ATP8A2: variants seen among roughly 807,000 people sequenced by gnomAD.
The protein encoded by ATP8A2 is phospholipid-transporting ATPase IB.
ATP8A2 carries 100 observed loss-of-function variants against 165.6 expected under a neutral mutation model. That is an observed-to-expected ratio of 0.60 (90% CI 0.51 to 0.71). The LOEUF (loss-of-function observed/expected upper bound fraction) is 0.71. Among genes scored for constraint, ATP8A2 ranks in the 30% least tolerant of loss-of-function variants. The pLI is 0.00. For missense variants in ATP8A2, 1,227 were observed against 1,479.5 expected (o/e 0.83, Z 2.80); for synonymous variants, 543 against 548.8 (o/e 0.99, Z 0.15).
chr13:25,832,130 G>T (rs780593121), intron 28 of ATP8A2, among the ~76,000 whole-genome samples: 2 of 151,800 alleles, frequency 1.3e-5, no homozygotes, highest in African/African-American at 4.8e-5. Flanking sequence ...TAATAGAGAC[G>T]GGGTTTCACC....
intron 30 of ATP8A2, among the ~76,000 whole-genome samples, chr13:25,853,397 AT>A (rs757549315): frequency 0.21 from 16,702 of 81,066 alleles, 1,416 homozygotes; most frequent in Non-Finnish European, 0.28. Flanking sequence ...TCTAAAAAAA[AT>A]ATATATATAT....
intron 33 of ATP8A2, among the ~76,000 whole-genome samples, chr13:25,918,031 T>C (rs1954321028): frequency 6.6e-6 from 1 of 152,198 alleles, no homozygotes; most frequent in African/African-American, 2.4e-5. Context: ...AGAAGGCAGA[T>C]GTTTGAAGAG....
intron 30 of ATP8A2, among the ~76,000 whole-genome samples, chr13:25,850,127 C>T (rs1211351579): frequency 6.6e-6 from 1 of 152,196 alleles, no homozygotes; most frequent in Non-Finnish European, 1.5e-5. Context: ...AAAAGGCAAA[C>T]TGATCTCAGT....
chr13:25,740,206 G>A (rs1255205785), intron 25 of ATP8A2, among the ~76,000 whole-genome samples: 2 of 151,838 alleles, frequency 1.3e-5, no homozygotes, highest in Admixed American at 1.3e-4. Flanking sequence ...CTTCTCAGGA[G>A]GCTGAGGCAG....
intron 2 of ATP8A2, among the ~76,000 whole-genome samples, chr13:25,477,430 T>C (rs1393675402): frequency 6.6e-6 from 1 of 152,200 alleles, no homozygotes; most frequent in African/African-American, 2.4e-5. Context: ...AAGTAAGTAC[T>C]GTGTGGGTCC....
intron 24 of ATP8A2, among the ~76,000 whole-genome samples, chr13:25,642,085 T>A (rs2041540612): frequency 6.6e-6 from 1 of 152,126 alleles, no homozygotes; most frequent in Non-Finnish European, 1.5e-5. Flanking sequence ...CCTTACACCT[T>A]ATAGAAAAAT....
chr13:25,431,017 T>TACAC lies in ATP8A2; in HGVS notation c.77-37959_77-37958insCACA, dbSNP rs200780545. 8.4e-3 allele frequency among the ~76,000 whole-genome samples: 1,281 copies of TACAC among 152,082 alleles called. 19 individuals are homozygous for TACAC. The highest frequency in any genetic ancestry group is 0.029 in the African/African-American group (1,186 of 41,450). The stretch of plus-strand genomic sequence containing the variant: ...TAAAACACACACACACACACATATA[T>TACAC]ATACACACACACACACACATAATGG... On this transcript the variant is annotated intron_variant, in intron 1 of 36. Coordinates refer to ENST00000381655, the MANE Select transcript of ATP8A2 (RefSeq NM_016529.6).
At chr13:25,673,750 C>T (rs996971341) in intron 24 of ATP8A2, among the ~76,000 whole-genome samples, 2 of 152,098 alleles carry the variant, frequency 1.3e-5, no homozygotes, top group Admixed American at 6.6e-5. Context: ...GGAAAGAAAG[C>T]CAGCCACTGA....
intron 30 of ATP8A2, among the ~76,000 whole-genome samples, chr13:25,841,591 G>A (rs761552023): frequency 6.6e-6 from 1 of 152,144 alleles, no homozygotes; most frequent in Non-Finnish European, 1.5e-5. Flanking sequence ...AATTCTCACT[G>A]TTAGTACAGA....
At chr13:25,535,309 A>G (rs1013412834) in intron 6 of ATP8A2, among the ~76,000 whole-genome samples, 3 of 152,128 alleles carry the variant, frequency 2.0e-5, no homozygotes, top group Non-Finnish European at 4.4e-5. Context: ...GCTGTAGCTG[A>G]GTCACGGGTG....
intron 24 of ATP8A2, among the ~76,000 whole-genome samples, chr13:25,681,732 A>G (rs1394231860): frequency 6.6e-6 from 1 of 152,188 alleles, no homozygotes; most frequent in Non-Finnish European, 1.5e-5. Context: ...CTCTCTACCA[A>G]AACAAAACAG....
chr13:25,649,890 T>A (rs941682653), intron 24 of ATP8A2, among the ~76,000 whole-genome samples: 2 of 152,128 alleles, frequency 1.3e-5, no homozygotes, highest in Non-Finnish European at 2.9e-5. Context: ...CAGGTACCTT[T>A]GCTGCCAGGT....
At chr13:25,824,554 T>A (rs978287926) in intron 27 of ATP8A2, among the ~76,000 whole-genome samples, 1 of 152,190 alleles carries the variant, frequency 6.6e-6, no homozygotes, top group African/African-American at 2.4e-5. Context: ...GGAAAGGGGA[T>A]TCCAAGTTGT....
intron 2 of ATP8A2, among the ~76,000 whole-genome samples, chr13:25,523,487 T>G (rs2037737592): frequency 1.3e-5 from 2 of 152,132 alleles, no homozygotes; most frequent in African/African-American, 2.4e-5. Context: ...AGTGAAACCA[T>G]CTGGTCCTGG....
At chr13:25,447,656 C>A (rs973411988) in intron 1 of ATP8A2, among the ~76,000 whole-genome samples, 1 of 152,220 alleles carries the variant, frequency 6.6e-6, no homozygotes, top group African/African-American at 2.4e-5. Flanking sequence ...TTGCTGTCCA[C>A]AGATGGCTAA....
chr13:25,751,128 G>T (rs2044145784), intron 25 of ATP8A2, among the ~76,000 whole-genome samples: 1 of 152,180 alleles, frequency 6.6e-6, no homozygotes, highest in South Asian at 2.1e-4. Flanking sequence ...GAGATTCTCT[G>T]TGGTTATTTG....
At chr13:25,391,955 A>G (rs2033263810) in intron 1 of ATP8A2, among the ~76,000 whole-genome samples, 1 of 152,260 alleles carries the variant, frequency 6.6e-6, no homozygotes, top group African/African-American at 2.4e-5. Flanking sequence ...ATGCATGCAT[A>G]TAAAAGTCAA....
At chr13:25,553,325 A>C (rs1024976771) in intron 11 of ATP8A2, among the ~76,000 whole-genome samples, 1 of 151,966 alleles carries the variant, frequency 6.6e-6, no homozygotes. Context: ...GCTGGGCTCA[A>C]GCCTTCTCTC....
chr13:25,715,234 G>A (rs1351791885), intron 25 of ATP8A2, among the ~76,000 whole-genome samples: 1 of 152,170 alleles, frequency 6.6e-6, no homozygotes, highest in African/African-American at 2.4e-5. Flanking sequence ...AGGTCTGCAA[G>A]TCTCATTGGA....
Sources: gnomAD v4.1 joint callset for allele counts (sites outside exome capture counted in the v4.1 genomes callset) on GRCh38, gnomAD v4.1.1 for gene constraint, MANE v1.5 for transcripts, NCBI Gene and HGNC (gene_info 2026-07-23, HGNC 2026-07-21) for gene names.